The following EYS variants were observed in gnomAD, a reference collection of about 807,000 sequenced individuals.
The protein encoded by EYS is EGF-like photoreceptor maintenance factor, also known as protein eyes shut homolog.
A neutral mutation model predicts 282.1 loss-of-function variants in EYS; 250 were observed. The observed-to-expected ratio is 0.89, with a 90% CI of 0.80 to 0.98. The LOEUF (loss-of-function observed/expected upper bound fraction) is 0.98, where lower values mean the gene tolerates loss of function less well. Among genes scored for constraint, EYS ranks in the 50% least tolerant of loss-of-function variants. EYS has a pLI of 0.00. For missense variants in EYS, 4,016 were observed against 3,709.0 expected, an observed-to-expected ratio of 1.08 and a Z score of -2.15; for synonymous variants, 1,355 against 1,282.9, an observed-to-expected ratio of 1.06 and a Z score of -1.20.
At chr6:63,940,544 G>GCTTAAAT (rs1765202878) in intron 35 of EYS, among the ~76,000 whole-genome samples, 2 of 152,192 alleles carry the variant, frequency 1.3e-5, no homozygotes, top group Non-Finnish European at 2.9e-5. Flanking sequence ...GCAAAGGATG[G>GCTTAAAT]TTTGTTGATT....
At chr6:64,658,790 AC>A (rs1768866267) in intron 22 of EYS, among the ~76,000 whole-genome samples, 1 of 152,166 alleles carries the variant, frequency 6.6e-6, no homozygotes, top group African/African-American at 2.4e-5. Flanking sequence ...CAGTTAGGCT[AC>A]TTGGGGGTCA....
At chr6:64,333,480 T>C (rs1770716375) in intron 29 of EYS, among the ~76,000 whole-genome samples, 3 of 152,124 alleles carry the variant, frequency 2.0e-5, no homozygotes, top group Non-Finnish European at 2.9e-5. Context: ...CAGTGGACCA[T>C]GATGAATTTA....
At chr6:65,544,317 A>G (rs185423287) in intron 2 of EYS, among the ~76,000 whole-genome samples, 2 of 152,232 alleles carry the variant, frequency 1.3e-5, no homozygotes, top group Admixed American at 1.3e-4. Context: ...ATATTTTCCA[A>G]TTTAATAGTT....
At chr6:65,469,151 T>G (rs1765113659) in intron 5 of EYS, among the ~76,000 whole-genome samples, 1 of 152,056 alleles carries the variant, frequency 6.6e-6, no homozygotes, top group South Asian at 2.1e-4. Flanking sequence ...ATCCATTCCT[T>G]TTCTGAAATT....
chr6:63,822,424 G>A (rs1771348273), intron 36 of EYS: 1 of 152,144 alleles, frequency 6.6e-6, no homozygotes. Flanking sequence ...ATGAAAGCAT[G>A]AAATTTAATG....
rs541699681 is a variant in EYS at position 65,457,375 on chromosome 6, A to G, written c.862+33219T>C. On this transcript the variant is annotated intron_variant, in intron 5 of 42. Coordinates refer to ENST00000503581, the MANE Select transcript of EYS (RefSeq NM_001142800.2). ...AGATGGGGTCTCACTTTGTTGCCCA[A>G]GCTGGTCTCAAATTCCTGGCCTCAA... Among the ~76,000 whole-genome samples, 12 of 151,974 alleles carry G rather than the reference A, an allele frequency of 7.9e-5. No homozygotes were observed. In the South Asian group the frequency reaches 2.5e-3, roughly 32 times the overall value.
chr6:64,731,352 A>G (rs1042288539), intron 22 of EYS, among the ~76,000 whole-genome samples: 1 of 152,178 alleles, frequency 6.6e-6, no homozygotes, highest in African/African-American at 2.4e-5. Flanking sequence ...AAAACAAAAA[A>G]CAAAAAACTA....
intron 1 of EYS, among the ~76,000 whole-genome samples, chr6:65,675,065 T>A (rs73455550): frequency 6.6e-6 from 1 of 151,836 alleles, no homozygotes. Flanking sequence ...TTATAAGACG[T>A]TTTATGGAAG....
intron 31 of EYS, among the ~76,000 whole-genome samples, chr6:64,103,826 A>G (rs781398938): frequency 2.6e-5 from 4 of 152,184 alleles, no homozygotes; most frequent in African/African-American, 4.8e-5. Context: ...AATCAGGATC[A>G]AATTAAGAAT....
chr6:65,261,301 A>T (rs1767614363), intron 12 of EYS, among the ~76,000 whole-genome samples: 1 of 151,970 alleles, frequency 6.6e-6, no homozygotes, highest in African/African-American at 2.4e-5. Context: ...GAATATATAT[A>T]TACACACACA....
chr6:64,310,834 A>T (rs1270245077), intron 29 of EYS, among the ~76,000 whole-genome samples: 4 of 151,972 alleles, frequency 2.6e-5, no homozygotes, highest in East Asian at 1.9e-4. Context: ...ACTGGACTGA[A>T]TTTTTTTTGT....
At chr6:65,406,172 T>A (rs148100004) in intron 5 of EYS, among the ~76,000 whole-genome samples, 1 of 152,152 alleles carries the variant, frequency 6.6e-6, no homozygotes, top group African/African-American at 2.4e-5. Flanking sequence ...AATGACTAAT[T>A]ATTTTTAGCA....
Position 63,720,916 on chromosome 6 carries a change from ATG to A in EYS, c.9113_9114del (p.Thr3038IlefsTer4). The A allele has an allele frequency of 6.4e-7, 1 of 1,551,040 alleles. No individual in the cohort carries two copies. The highest frequency in any genetic ancestry group is 8.7e-7 in the Non-Finnish European group (1 of 1,146,516). On this transcript the variant is annotated frameshift_variant, in exon 43 of 43. Transcript: ENST00000503581. LOFTEE classifies it high-confidence loss of function. Reference protein sequence around the residue: ...ISVPMSYNNGTFCCNKWHHVV... With the variant: ...ISVPMSYNNGXFCCNKWHHVV... ...ACATGGTGCCATTTATTACAACAGA[ATG>A]TGCCATTGTTATAGCTCATAGGCAC...
At chr6:64,447,805 C>CT (rs1775167406) in intron 26 of EYS, among the ~76,000 whole-genome samples, 1 of 152,140 alleles carries the variant, frequency 6.6e-6, no homozygotes, top group Admixed American at 6.5e-5. Context: ...AGTTGAATAA[C>CT]TTTTTTTACT....
intron 41 of EYS, among the ~76,000 whole-genome samples, chr6:63,756,441 T>G (rs1356963783): frequency 6.6e-6 from 1 of 152,196 alleles, no homozygotes; most frequent in Non-Finnish European, 1.5e-5. Flanking sequence ...TTGATTTGCA[T>G]ATGTTGAACC....
intron 33 of EYS, among the ~76,000 whole-genome samples, chr6:64,025,459 C>A (rs1404118620): frequency 6.6e-6 from 1 of 152,176 alleles, no homozygotes; most frequent in East Asian, 1.9e-4. Flanking sequence ...GCCTACCAGA[C>A]AAACTTCCTC....
intron 41 of EYS, among the ~76,000 whole-genome samples, chr6:63,727,721 A>T (rs1313946184): frequency 1.5e-5 from 1 of 66,702 alleles, no homozygotes; most frequent in African/African-American, 1.1e-4. Context: ...AAAAAAAAAA[A>T]AAAAAAAAAA....
At chr6:65,001,898 T>C (rs1771478125) in intron 13 of EYS, among the ~76,000 whole-genome samples, 1 of 147,228 alleles carries the variant, frequency 6.8e-6, no homozygotes, top group African/African-American at 2.4e-5. Flanking sequence ...TGAAATACAT[T>C]AATATATTAA....
At chr6:64,986,171 G>A (rs1232326330) in intron 14 of EYS, among the ~76,000 whole-genome samples, 1 of 151,120 alleles carries the variant, frequency 6.6e-6, no homozygotes, top group Non-Finnish European at 1.5e-5. Context: ...TCCATTATAA[G>A]AAAAGAATAA....
Sources: allele counts gnomAD v4.1 joint callset (sites outside exome capture counted in the v4.1 genomes callset), GRCh38; gene constraint gnomAD v4.1.1; transcripts MANE v1.5; gene names NCBI Gene and HGNC (gene_info 2026-07-23, HGNC 2026-07-21).